Variants in RAB32 observed in about 807,000 individuals in gnomAD.
RAB32 encodes ras-related protein Rab-32.
RAB32 carries 17 observed loss-of-function variants against 17.5 expected under a neutral mutation model. The ratio of observed to expected loss-of-function variants is 0.97; its 90% CI spans 0.67 to 1.46. RAB32 has a LOEUF of 1.46. Ranked by LOEUF, RAB32 falls within the 40% of genes most tolerant of loss-of-function variation. The probability of loss-of-function intolerance (pLI) is 0.00; values close to 1 mark genes in which losing one functional copy is unlikely to be tolerated. For missense variants in RAB32, 288 were observed against 284.3 expected, an observed-to-expected ratio of 1.01 and a Z score of -0.09; for synonymous variants, 115 against 111.1, an observed-to-expected ratio of 1.04 and a Z score of -0.22.
At chr6:146,546,465 CA>C (rs1447680646) in intron 1 of RAB32, among the ~76,000 whole-genome samples, 28 of 151,160 alleles carry the variant, frequency 1.9e-4, no homozygotes, top group Non-Finnish European at 3.2e-4. Context: ...TTTTAGAGAC[CA>C]AAAAAAGCAA....
chr6:146,545,623 C>G (rs140337533), intron 1 of RAB32, among the ~76,000 whole-genome samples: 1 of 152,288 alleles, frequency 6.6e-6, no homozygotes, highest in African/African-American at 2.4e-5. Context: ...AACTCAGTTG[C>G]TCAGAAAAAA....
intron 1 of RAB32, among the ~76,000 whole-genome samples, chr6:146,545,249 C>G (rs1209778632): frequency 1.3e-5 from 2 of 148,342 alleles, no homozygotes; most frequent in Non-Finnish European, 3.0e-5. Flanking sequence ...CCAGCCTGGT[C>G]AACAGAGTGA....
chr6:146,550,857 A>G (rs1002106177), intron 2 of RAB32, among the ~76,000 whole-genome samples: 4 of 152,128 alleles, frequency 2.6e-5, no homozygotes, highest in Admixed American at 2.0e-4. Flanking sequence ...TGTTGAAATC[A>G]TAACACAGTT....
chr6:146,543,929 G>A lies in RAB32; in HGVS notation c.58G>A (p.Glu20Lys), dbSNP rs1211765892. Residue 20 changes from glutamate to lysine, a missense_variant, in exon 1 of 3, where the codon GAG becomes AAG. Coordinates refer to ENST00000367495, the MANE Select transcript of RAB32 (RefSeq NM_006834.5). The stretch of plus-strand genomic sequence containing the variant: ...GGGGGCGGCCGCCGCCCCAGCGCCC[G>A]AGACCCGCGAGCACCTCTTCAAGGT... ...GLGAAAAPAP[E>K]TREHLFKVLV... The A allele has an allele frequency of 6.2e-7, 1 of 1,605,138 alleles. No homozygotes were observed. Among genetic ancestry groups the A allele is most frequent in the Non-Finnish European group, 8.5e-7 (1 of 1,176,814 alleles).
rs779882086 is a variant in RAB32, at chr6:146,549,557, A to G, written c.344A>G (p.Glu115Gly). 33 of 1,614,038 alleles carry G rather than the reference A, an allele frequency of 2.0e-5. No homozygotes were observed. The highest frequency in any genetic ancestry group is 2.5e-5 in the Non-Finnish European group (30 of 1,180,016). The change falls in exon 2 of 3, where the codon GAG becomes GGG. Residue 115 changes from glutamate to glycine, a missense_variant. Transcript: ENST00000367495. ...VFDISRSSTF[E>G]AVLKWKSDLD... ...GATATATCAAGAAGTTCCACATTTGAGGCAGTCTTAAAATGGAAAAGTGAT... is the reference window on the plus strand; with the variant it reads ...GATATATCAAGAAGTTCCACATTTGGGGCAGTCTTAAAATGGAAAAGTGAT...
intron 1 of RAB32, among the ~76,000 whole-genome samples, chr6:146,546,277 G>A (rs1367783204): frequency 6.6e-6 from 1 of 151,958 alleles, no homozygotes; most frequent in African/African-American, 2.4e-5. Flanking sequence ...AACAGGTATT[G>A]TTGTCCCATA....
At chr6:146,547,753 A>C (rs1331960737) in intron 1 of RAB32, among the ~76,000 whole-genome samples, 1 of 151,070 alleles carries the variant, frequency 6.6e-6, no homozygotes, top group Non-Finnish European at 1.5e-5. Flanking sequence ...AACAGTCACT[A>C]AAGTTTAACA....
rs377677461 is a variant in RAB32 at position 146,554,799 on chromosome 6, T to A, written c.*194T>A. The A allele has an allele frequency of 5.5e-5, 27 of 490,288 alleles. 2 individuals are homozygous for A. In the East Asian group the frequency reaches 6.1e-4, roughly 11 times the overall value. The allele number at this position is 490,288 out of a possible 1,614,324, so 30.4% of individuals were successfully genotyped here. The stretch of plus-strand genomic sequence containing the variant: ...GCTAGTGGCTCTGTAACTTAACAGA[T>A]GACAATTAGGCTTTTGTCATTGTTG... On this transcript the variant is annotated 3_prime_UTR_variant, in exon 3 of 3. Coordinates refer to ENST00000367495, the MANE Select transcript of RAB32 (RefSeq NM_006834.5).
At chr6:146,551,145 T>C in intron 2 of RAB32, among the ~76,000 whole-genome samples, 1 of 152,194 alleles carries the variant, frequency 6.6e-6, no homozygotes, top group East Asian at 1.9e-4. Flanking sequence ...AAAAAAAGAC[T>C]GTCTACTGCA....
At chr6:146,554,406 C>A in intron 2 of RAB32, 50 bp from the exon 3 acceptor site, 2 of 1,553,168 alleles carry the variant, frequency 1.3e-6, no homozygotes, top group Non-Finnish European at 1.7e-6. Context: ...ATGCCTTATT[C>A]TAAGAATTAA....
intron 1 of RAB32, among the ~76,000 whole-genome samples, chr6:146,549,122 G>C (rs1779862772): frequency 6.6e-6 from 1 of 152,144 alleles, no homozygotes; most frequent in Admixed American, 6.5e-5. Context: ...TCTACTTCCA[G>C]CTTTATGTTT....
chr6:146,554,418 C>A (rs1417901070), intron 2 of RAB32, 38 bp from the exon 3 acceptor site: 15 of 1,568,042 alleles, frequency 9.6e-6, no homozygotes, highest in Non-Finnish European at 1.3e-5. Flanking sequence ...AAGAATTAAT[C>A]CTAAAAATTA....
At chr6:146,552,536 A>ATG (rs963323310) in intron 2 of RAB32, among the ~76,000 whole-genome samples, 4 of 151,962 alleles carry the variant, frequency 2.6e-5, no homozygotes, top group African/African-American at 7.2e-5. Context: ...CAGGTTTCAT[A>ATG]TGTGTGTGTG....
In RAB32 at chr6:146,549,551, C is replaced by T. The variant is rs755778648; in HGVS notation, c.338C>T (p.Thr113Ile). 6.2e-7 allele frequency: 1 copy of T among 1,614,162 alleles called. No homozygotes were observed. Among genetic ancestry groups the T allele is most frequent in the Non-Finnish European group, 8.5e-7 (1 of 1,179,992 alleles). Residue 113 changes from threonine (T) to isoleucine (I), a missense_variant, in exon 2 of 3, where the codon ACA (threonine) becomes ATA (isoleucine). Coordinates refer to ENST00000367495, the MANE Select transcript of RAB32 (RefSeq NM_006834.5). ...FVVFDISRSS[T>I]FEAVLKWKSD... The stretch of plus-strand genomic sequence containing the variant: ...GTCTTTGATATATCAAGAAGTTCCA[C>T]ATTTGAGGCAGTCTTAAAATGGAAA...
chr6:146,546,229 A>G lies in RAB32; in HGVS notation c.250+2108A>G, dbSNP rs545896208. On this transcript the variant is annotated intron_variant, in intron 1 of 2. Transcript: ENST00000367495. ...CCAGGAAGGAAAACAAAAGTTTAAG[A>G]TCTCCAAAAGGGATTTCTGGATGTT... Among the ~76,000 whole-genome samples, 28 of 152,266 alleles carry G rather than the reference A, an allele frequency of 1.8e-4. No homozygotes were observed. The South Asian group carries it at 5.4e-3, about 29-fold the overall frequency.
At chr6:146,547,686 A>G (rs1779840632) in intron 1 of RAB32, among the ~76,000 whole-genome samples, 1 of 148,044 alleles carries the variant, frequency 6.8e-6, no homozygotes, top group South Asian at 2.2e-4. Context: ...CATGAGCACG[A>G]GTAAAAGGAA....
rs746549335 is a variant in RAB32, at chr6:146,544,135, C to T, written c.250+14C>T. 3.7e-6 allele frequency: 6 copies of T among 1,602,586 alleles called. No homozygotes were observed. The Admixed American group carries it at 1.0e-4, about 27-fold the overall frequency. On this transcript the variant is annotated intron_variant, in intron 1 of 2. Coordinates refer to ENST00000367495, the MANE Select transcript of RAB32 (RefSeq NM_006834.5). ...GGGACATCGCGGGTAAGCGCGGCCG[C>T]GAGTTTCCCACTCCAGAGCCCCGCC...
chr6:146,546,423 G>T (rs1299204614), intron 1 of RAB32, among the ~76,000 whole-genome samples: 1 of 110,446 alleles, frequency 9.1e-6, no homozygotes, highest in Non-Finnish European at 2.2e-5. Flanking sequence ...CTTAGTGAGA[G>T]ACCAAAAACA....
At position 146,549,687 on chromosome 6, in the gene RAB32, G is replaced by A. The variant is rs149021181; in HGVS notation, c.474G>A (p.Val158=). 1.6e-5 allele frequency: 26 copies of A among 1,614,076 alleles called. No individual in the cohort carries two copies. Among genetic ancestry groups the A allele is most frequent in the Non-Finnish European group, 2.0e-5 (24 of 1,180,038 alleles). The change falls in exon 2 of 3, where the codon GTG becomes GTA. Residue 158 remains valine (V), a synonymous_variant. Coordinates refer to ENST00000367495, the MANE Select transcript of RAB32 (RefSeq NM_006834.5). ...NKDSSQSPSQ[V]DQFCKEHGFA... ...ACAGTAGCCAGAGTCCTTCCCAGGT[G>A]GACCAATTCTGCAAAGAACATGGCT...
Sources: allele counts gnomAD v4.1 joint callset (sites outside exome capture counted in the v4.1 genomes callset), GRCh38; gene constraint gnomAD v4.1.1; transcripts MANE v1.5; gene names NCBI Gene and HGNC (gene_info 2026-07-23, HGNC 2026-07-21).